The following ASH2L variants were observed in gnomAD, a reference collection of about 807,000 sequenced individuals.
ASH2L encodes the protein ASH2 like, histone lysine methyltransferase complex subunit.
A neutral mutation model predicts 81.1 loss-of-function variants in ASH2L; 30 were observed. That is an observed-to-expected ratio of 0.37 (90% CI 0.28 to 0.50). The LOEUF (loss-of-function observed/expected upper bound fraction) is 0.50. Among genes scored for constraint, ASH2L ranks in the 20% least tolerant of loss-of-function variants. The probability of loss-of-function intolerance (pLI) is 0.95; values close to 1 mark genes in which losing one functional copy is unlikely to be tolerated. For synonymous variants in ASH2L, 273 were observed against 279.9 expected, an observed-to-expected ratio of 0.98 and a Z score of 0.24; for missense variants, 559 against 792.1, an observed-to-expected ratio of 0.71 and a Z score of 3.53.
Position 38,128,369 on chromosome 8 carries a change from G to T in ASH2L, c.1244G>T (p.Gly415Val). 1 of 1,614,150 alleles carries T rather than the reference G, an allele frequency of 6.2e-7. No homozygotes were observed. Among genetic ancestry groups the T allele is most frequent in the Non-Finnish European group, 8.5e-7 (1 of 1,180,022 alleles). ...TACTCTATGGTGAGGGCCTCTCATG[G>T]AGTACGGAAAGGTGCCTGGTATTTT... ...KGYSMVRASH[G>V]VRKGAWYFEI... is the part of the protein sequence containing the mutation. Residue 415 changes from glycine to valine, a missense_variant, in exon 11 of 16, where the codon GGA becomes GTA. Physicochemically the swap from Gly to Val is moderately radical, Grantham distance 109 (BLOSUM62 -3). Coordinates refer to ENST00000343823, the MANE Select transcript of ASH2L (RefSeq NM_004674.5).
At chr8:38,118,413 A>G (rs1299157184) in intron 8 of ASH2L, among the ~76,000 whole-genome samples, 3 of 152,240 alleles carry the variant, frequency 2.0e-5, no homozygotes, top group Admixed American at 1.3e-4. Context: ...CAAAAATTTC[A>G]AAGTACCTAT....
intron 10 of ASH2L, chr8:38,122,563 G>C (rs1171011430): frequency 6.6e-6 from 1 of 151,984 alleles, no homozygotes; most frequent in Non-Finnish European, 1.5e-5. Flanking sequence ...ATTGCTTCTA[G>C]ACTTCCTCAG....
At chr8:38,114,713 T>C (rs1358895168) in intron 6 of ASH2L, 192 bp from the exon 7 acceptor site, 1 of 554,720 alleles carries the variant, frequency 1.8e-6, no homozygotes, top group Non-Finnish European at 3.2e-6. Context: ...TATGAAAAAC[T>C]TGGGCACTCT....
In ASH2L at chr8:38,110,734, G is replaced by T. The variant is rs1269058996; in HGVS notation, c.491-5G>T. On this transcript the variant is annotated splice_region_variant and splice_polypyrimidine_tract_variant and intron_variant, in intron 4 of 15. Transcript: ENST00000343823. ...TAACTGTTTCTTCCTTTTTGTTTTT[G>T]ATAGACTTGAAGGAAATGTGCCTTA... The T allele has an allele frequency of 6.2e-7, 1 of 1,610,662 alleles. No homozygotes were observed. The highest frequency in any genetic ancestry group is 2.2e-5 in the East Asian group (1 of 44,868).
chr8:38,137,037 G>C lies in ASH2L; in HGVS notation c.1719+1271G>C, dbSNP rs1476405914. ...GAACCCGGGAGATGGAGGCTGCAGT[G>C]AGCCAAGATTACACCACTGCCCTCC... On this transcript the variant is annotated intron_variant, in intron 14 of 15. Transcript: ENST00000343823. Among the ~76,000 whole-genome samples the C allele has an allele frequency of 4.0e-5, 6 of 150,836 alleles. No individual in the cohort carries two copies. In the East Asian group the frequency reaches 7.8e-4, roughly 20 times the overall value.
intron 5 of ASH2L, among the ~76,000 whole-genome samples, chr8:38,111,771 G>A (rs1420663798): frequency 6.6e-6 from 1 of 152,110 alleles, no homozygotes; most frequent in Non-Finnish European, 1.5e-5. Context: ...GCTATATGAG[G>A]CTACATTGTG....
chr8:38,123,082 CTT>C (rs59410420), intron 10 of ASH2L, among the ~76,000 whole-genome samples: 1 of 100,904 alleles, frequency 9.9e-6, no homozygotes. Flanking sequence ...TTCAGAATTT[CTT>C]TTTTTTTTTT....
chr8:38,114,339 TG>T lies in ASH2L; in HGVS notation c.681+53del, dbSNP rs747118535. 5.1e-6 allele frequency: 6 copies of T among 1,173,530 alleles called. No individual in the cohort carries two copies. The African/African-American group carries it at 9.4e-5, about 18-fold the overall frequency. 72.7% of individuals were successfully genotyped at this position (1,173,530 alleles called of 1,614,324 possible). A position where few individuals can be genotyped will look rare whatever the true frequency, so the allele number is the denominator to read the frequency against. On this transcript the variant is annotated intron_variant, in intron 6 of 15. Transcript: ENST00000343823. ...TGACATTTAAAAAACCATTGTTTTT[TG>T]TAAGAATTCAATAATATCGTCTCAT...
intron 14 of ASH2L, 115 bp downstream of exon 14, chr8:38,135,881 G>A (rs958154305): frequency 2.4e-5 from 17 of 701,326 alleles, no homozygotes; most frequent in Middle Eastern, 2.5e-4. Flanking sequence ...AGTGGCATGC[G>A]CATGTGTTGT....
At chr8:38,129,093 A>T (rs1801961720) in intron 12 of ASH2L, 142 bp downstream of exon 12, 2 of 1,296,952 alleles carry the variant, frequency 1.5e-6, no homozygotes, top group Admixed American at 2.7e-5. Flanking sequence ...TTTCAGAATA[A>T]CAGTAACAAT....
At chr8:38,119,471 C>G (rs1396391601) in intron 9 of ASH2L, 108 bp downstream of exon 9, 2 of 956,952 alleles carry the variant, frequency 2.1e-6, no homozygotes, top group Non-Finnish European at 3.0e-6. Flanking sequence ...AAAAGCCTGT[C>G]CATTTTTTCT....
chr8:38,106,101 C>T (rs1047246458), intron 1 of ASH2L: 29 of 1,525,416 alleles, frequency 1.9e-5, no homozygotes, highest in Non-Finnish European at 2.4e-5. Context: ...GGGAGAGCTG[C>T]CTCTCTTTGA....
chr8:38,138,576 C>A, intron 14 of ASH2L: 1 of 437,492 alleles, frequency 2.3e-6, no homozygotes, highest in Non-Finnish European at 4.0e-6. Context: ...AAATTGGGAT[C>A]CTGAATTTTT....
chr8:38,109,803 C>T (rs972842992), intron 3 of ASH2L, among the ~76,000 whole-genome samples: 7 of 152,240 alleles, frequency 4.6e-5, no homozygotes, highest in African/African-American at 1.7e-4. Flanking sequence ...ACATTATTGA[C>T]ACCATAGAGA....
chr8:38,133,736 T>A (rs536446426), intron 13 of ASH2L, among the ~76,000 whole-genome samples, 190 bp downstream of exon 13: 2 of 152,328 alleles, frequency 1.3e-5, no homozygotes, highest in South Asian at 4.1e-4. Flanking sequence ...GCTTCTGCTG[T>A]TAGAGACATG....
intron 10 of ASH2L, among the ~76,000 whole-genome samples, chr8:38,123,909 C>T (rs1394581465): frequency 1.3e-5 from 2 of 152,150 alleles, no homozygotes; most frequent in Non-Finnish European, 2.9e-5. Flanking sequence ...GGCGTGATCT[C>T]GGCTCACTGC....
intron 9 of ASH2L, among the ~76,000 whole-genome samples, chr8:38,120,331 C>T (rs1811084839): frequency 6.6e-6 from 1 of 152,098 alleles, no homozygotes; most frequent in Non-Finnish European, 1.5e-5. Flanking sequence ...GCTCCTTTAG[C>T]TCCTTAACTT....
At chr8:38,114,366 T>C (rs1167831599) in intron 6 of ASH2L, 79 bp downstream of exon 6, 3 of 886,948 alleles carry the variant, frequency 3.4e-6, no homozygotes, top group Non-Finnish European at 3.5e-6. Context: ...ATCGTCTCAT[T>C]GTGAAATGAT....
chr8:38,135,872 G>A (rs1429774019), intron 14 of ASH2L, 106 bp downstream of exon 14: 21 of 781,000 alleles, frequency 2.7e-5, no homozygotes, highest in Non-Finnish European at 3.7e-5. Flanking sequence ...CAGCCTCAGA[G>A]TGGCATGCGC....
Sources: gnomAD v4.1 joint callset for allele counts (sites outside exome capture counted in the v4.1 genomes callset) on GRCh38, gnomAD v4.1.1 for gene constraint, MANE v1.5 for transcripts, NCBI Gene and HGNC (gene_info 2026-07-23, HGNC 2026-07-21) for gene names.